Variants in DNM1L observed in about 807,000 individuals in gnomAD.
The protein encoded by DNM1L is dynamin-1-like protein.
In DNM1L, 33 loss-of-function variants were observed where a neutral mutation model predicts 92.8. The observed-to-expected ratio is 0.36, with a 90% CI of 0.27 to 0.48. The LOEUF (loss-of-function observed/expected upper bound fraction) is 0.48, where lower values mean the gene tolerates loss of function less well. Ranked by LOEUF, DNM1L falls within the 20% of genes least tolerant of loss-of-function variation. The pLI, the probability that DNM1L is intolerant of heterozygous loss-of-function variation, is 0.99. For synonymous variants in DNM1L, 284 were observed against 305.0 expected, an observed-to-expected ratio of 0.93 and a Z score of 0.72; for missense variants, 485 against 888.8, an observed-to-expected ratio of 0.55 and a Z score of 5.78.
Position 32,711,030 on chromosome 12 carries a change from G to A in DNM1L, c.456+15G>A, listed in dbSNP as rs1043112658. The A allele has an allele frequency of 2.5e-6, 4 of 1,610,892 alleles. No homozygotes were observed. On this transcript the variant is annotated intron_variant, in intron 5 of 19. Transcript: ENST00000549701. The stretch of plus-strand genomic sequence containing the variant: ...GAATGACCAAGGTAAGGAAGGAATA[G>A]TTGTAGATTTGGTCAGGTTGTTTTC...
chr12:32,732,179 T>TG (rs929428679), intron 12 of DNM1L, among the ~76,000 whole-genome samples: 3 of 152,162 alleles, frequency 2.0e-5, no homozygotes, highest in African/African-American at 7.2e-5. Context: ...CCTGCAGGCA[T>TG]GGGTTTTCTT....
chr12:32,696,310 G>C (rs1212598052), intron 1 of DNM1L, among the ~76,000 whole-genome samples: 1 of 151,954 alleles, frequency 6.6e-6, no homozygotes, highest in Non-Finnish European at 1.5e-5. Flanking sequence ...GCCAAGGTGG[G>C]GGTATCGCTT....
At chr12:32,720,566 T>C in intron 7 of DNM1L, 98 bp from the exon 8 acceptor site, 1 of 1,510,808 alleles carries the variant, frequency 6.6e-7, no homozygotes, top group Non-Finnish European at 9.2e-7. Context: ...AAACAGTCCC[T>C]GTCAGGTATT....
At chr12:32,726,428 G>A in intron 9 of DNM1L, 1 of 1,474,334 alleles carries the variant, frequency 6.8e-7, no homozygotes, top group Non-Finnish European at 9.5e-7. Flanking sequence ...TCGGGTCATA[G>A]TCTGGATCAT....
intron 18 of DNM1L, among the ~76,000 whole-genome samples, chr12:32,741,675 G>C (rs1955303999): frequency 6.6e-6 from 1 of 152,152 alleles, no homozygotes. Flanking sequence ...CCACGTATTT[G>C]AATGTGTTCC....
intron 2 of DNM1L, among the ~76,000 whole-genome samples, chr12:32,704,963 C>G (rs1166626945): frequency 7.3e-6 from 1 of 136,842 alleles, no homozygotes; most frequent in East Asian, 2.2e-4. Context: ...GGCAATTTAT[C>G]TTTTCCTGTA....
chr12:32,696,369 TACACACACACACAAACACACACAC>T (rs1565495780), intron 1 of DNM1L, among the ~76,000 whole-genome samples: 3 of 113,284 alleles, frequency 2.6e-5, no homozygotes, highest in Admixed American at 1.0e-4. Flanking sequence ...AGACCCTGTC[TACACACACACACAAACACACACAC>T]ACACACACAC....
chr12:32,716,741 A>AGT (rs1476875104), intron 6 of DNM1L, among the ~76,000 whole-genome samples: 13 of 119,772 alleles, frequency 1.1e-4, no homozygotes, highest in African/African-American at 2.1e-4. Context: ...CACTATATAT[A>AGT]GTATATATAT....
At chr12:32,687,259 T>G (rs996638996) in intron 1 of DNM1L, among the ~76,000 whole-genome samples, 1 of 152,162 alleles carries the variant, frequency 6.6e-6, no homozygotes, top group Non-Finnish European at 1.5e-5. Flanking sequence ...CTAATTATTT[T>G]ATAGTTTTGG....
rs1244839649 is a variant in DNM1L at position 32,717,437 on chromosome 12, TTTAA to T, written c.620-1205_620-1202del. 5.2e-5 allele frequency among the ~76,000 whole-genome samples: 5 copies of T among 96,982 alleles called. No individual in the cohort carries two copies. In the East Asian group the frequency reaches 1.0e-3, roughly 20 times the overall value. The allele number at this position is 96,982 out of a possible 152,430, so 63.6% of individuals were successfully genotyped here. ...TATTTTAAATATATACTATATATAT[TTTAA>T]ATATATACTATATATATTTTAAATA... is the stretch of plus-strand genomic sequence containing the variant. On this transcript the variant is annotated intron_variant, in intron 6 of 19. Transcript: ENST00000549701.
chr12:32,717,427 CTA>C (rs1491260697), intron 6 of DNM1L, among the ~76,000 whole-genome samples: 2 of 38,312 alleles, frequency 5.2e-5, no homozygotes, highest in Admixed American at 3.9e-4. Context: ...TAAATATATA[CTA>C]TATATATTTT....
intron 1 of DNM1L, among the ~76,000 whole-genome samples, chr12:32,688,832 AT>A (rs1276770622): frequency 6.6e-6 from 1 of 152,212 alleles, no homozygotes; most frequent in African/African-American, 2.4e-5. Flanking sequence ...CCAAGAAAAA[AT>A]TCCTTCCTAA....
At chr12:32,699,005 A>G (rs58298737) in intron 1 of DNM1L, among the ~76,000 whole-genome samples, 23,272 of 151,700 alleles carry the variant, frequency 0.15, 1,870 homozygotes, top group Middle Eastern at 0.21. Context: ...GAATGGTAGA[A>G]TGAGACCCCA....
chr12:32,710,566 C>CCATG (rs1395567007), intron 4 of DNM1L, among the ~76,000 whole-genome samples: 1 of 151,026 alleles, frequency 6.6e-6, no homozygotes, highest in Non-Finnish European at 1.5e-5. Flanking sequence ...CTGCAGTGAG[C>CCATG]CATGATTGCA....
At chr12:32,704,549 TAAAA>T (rs10600620) in intron 2 of DNM1L, among the ~76,000 whole-genome samples, 1 of 145,070 alleles carries the variant, frequency 6.9e-6, no homozygotes, top group Admixed American at 6.9e-5. Flanking sequence ...GACTCCGTCT[TAAAA>T]AAAAAAAAAA....
chr12:32,696,290 C>G (rs997520807), intron 1 of DNM1L, among the ~76,000 whole-genome samples: 2 of 151,972 alleles, frequency 1.3e-5, no homozygotes, highest in Non-Finnish European at 2.9e-5. Context: ...AGTCCCAACA[C>G]TTTTGGGAGG....
At chr12:32,695,128 G>T (rs562435989) in intron 1 of DNM1L, among the ~76,000 whole-genome samples, 70 of 152,186 alleles carry the variant, frequency 4.6e-4, no homozygotes, top group South Asian at 4.4e-3. Context: ...AGGTAAACAG[G>T]GCCAAGATAC....
chr12:32,727,655 C>CT (rs1187557945), intron 9 of DNM1L: 2 of 278,174 alleles, frequency 7.2e-6, no homozygotes, highest in East Asian at 1.4e-4. Flanking sequence ...AAATCAGATG[C>CT]TATACCTATC....
chr12:32,711,386 G>A (rs1039589462), intron 5 of DNM1L: 9 of 211,816 alleles, frequency 4.2e-5, no homozygotes, highest in African/African-American at 1.6e-4. Context: ...GTATATTGAC[G>A]GCATTCAAAT....
Sources: gnomAD v4.1 joint callset for allele counts (sites outside exome capture counted in the v4.1 genomes callset) on GRCh38, gnomAD v4.1.1 for gene constraint, MANE v1.5 for transcripts, NCBI Gene and HGNC (gene_info 2026-07-23, HGNC 2026-07-21) for gene names.